The following ABCF1 variants were observed in gnomAD, a reference collection of about 807,000 sequenced individuals.
ABCF1 encodes the protein ATP-binding cassette sub-family F member 1.
In ABCF1, 73 loss-of-function variants were observed where a neutral mutation model predicts 126.3. The ratio of observed to expected loss-of-function variants is 0.58; its 90% CI spans 0.48 to 0.70. The LOEUF (loss-of-function observed/expected upper bound fraction) is 0.70, where lower values mean the gene tolerates loss of function less well. Among genes scored for constraint, ABCF1 ranks in the 30% least tolerant of loss-of-function variants. The probability of loss-of-function intolerance (pLI) is 0.00; values close to 1 mark genes in which losing one functional copy is unlikely to be tolerated. For missense variants in ABCF1, 786 were observed against 1,057.5 expected, an observed-to-expected ratio of 0.74 and a Z score of 3.56; for synonymous variants, 345 against 396.4, an observed-to-expected ratio of 0.87 and a Z score of 1.54.
intron 1 of ABCF1, among the ~76,000 whole-genome samples, chr6:30,576,728 C>T (rs1324977354): frequency 6.6e-6 from 1 of 152,182 alleles, no homozygotes; most frequent in East Asian, 1.9e-4. Flanking sequence ...TTGCTGTACT[C>T]TGAAGCCAGA....
rs1183920369 is a variant in ABCF1 at position 30,574,171 on chromosome 6, C to A, written c.73+2611C>A. 1.3e-5 allele frequency among the ~76,000 whole-genome samples: 2 copies of A among 150,990 alleles called. No homozygotes were observed. The highest frequency in any genetic ancestry group is 1.3e-4 in the Admixed American group (2 of 15,180). On this transcript the variant is annotated intron_variant, in intron 1 of 24. Coordinates refer to ENST00000326195, the MANE Select transcript of ABCF1 (RefSeq NM_001025091.2). The surrounding 1 kb of genome is among the most constrained non-coding windows in gnomAD (Gnocchi z 4.3). ...TGGGTTTTTTTTTTTTGTGACGGAG[C>A]CTCACTCCAGGCTGGAGTGCAGTGG...
intron 1 of ABCF1, among the ~76,000 whole-genome samples, 181 bp downstream of exon 1, chr6:30,571,741 G>T (rs1801258016): frequency 6.6e-6 from 1 of 152,110 alleles, no homozygotes; most frequent in Non-Finnish European, 1.5e-5. Flanking sequence ...CGGGGTTAAA[G>T]GAAAGAGATC....
At chr6:30,590,035 A>G in intron 22 of ABCF1, 61 bp downstream of exon 22, 1 of 1,605,910 alleles carries the variant, frequency 6.2e-7, no homozygotes, top group African/African-American at 1.3e-5. Context: ...TACAAACTGT[A>G]CCTAGAGGAA....
At chr6:30,575,778 GT>G (rs1801465048) in intron 1 of ABCF1, among the ~76,000 whole-genome samples, 1 of 151,972 alleles carries the variant, frequency 6.6e-6, no homozygotes, top group South Asian at 2.1e-4. Context: ...TACAAACAAC[GT>G]GTCCCCCTGG....
chr6:30,581,800 A>T (rs2127410585), intron 8 of ABCF1, among the ~76,000 whole-genome samples: 1 of 152,306 alleles, frequency 6.6e-6, no homozygotes, highest in South Asian at 2.1e-4. Context: ...ACCTTCAGTT[A>T]CATTGTATTG....
In ABCF1 at chr6:30,583,602, C is replaced by T; in HGVS notation, c.916-6C>T. ...CCCTCTGCCACCTCTTTCCTGATGG[C>T]TGCAGCTGGAGAAGTTCAGCATCTC... On this transcript the variant is annotated splice_polypyrimidine_tract_variant and splice_region_variant and intron_variant, in intron 10 of 24. Coordinates refer to ENST00000326195, the MANE Select transcript of ABCF1 (RefSeq NM_001025091.2). This position sits in a 1 kb window ranked among gnomAD's most constrained non-coding sequence, Gnocchi z 4.1. 1.2e-6 allele frequency: 2 copies of T among 1,613,908 alleles called. No individual in the cohort carries two copies. The highest frequency in any genetic ancestry group is 2.2e-5 in the South Asian group (2 of 91,086).
In ABCF1 at chr6:30,583,158, A is replaced by G. The variant is rs761099961; in HGVS notation, c.885A>G (p.Gln295=). Residue 295 remains glutamine, a synonymous_variant, in exon 10 of 25, where the codon CAA becomes CAG. Transcript: ENST00000326195. The surrounding 1 kb of genome is among the most constrained non-coding windows in gnomAD (Gnocchi z 4.1). ...CCCAGGCGGAGATGTCCTCCCGCCAAGCCATGTTAGAAAATGCATCTGACA... is the reference window on the plus strand; with the variant it reads ...CCCAGGCGGAGATGTCCTCCCGCCAGGCCATGTTAGAAAATGCATCTGACA... ...SVSQAEMSSR[Q]AMLENASDIK... 6.2e-7 allele frequency: 1 copy of G among 1,610,626 alleles called. No individual in the cohort carries two copies. Among genetic ancestry groups the G allele is most frequent in the African/African-American group, 1.3e-5 (1 of 75,032 alleles).
intron 1 of ABCF1, among the ~76,000 whole-genome samples, chr6:30,575,271 T>C (rs1056525696): frequency 6.6e-6 from 1 of 152,062 alleles, no homozygotes; most frequent in Non-Finnish European, 1.5e-5. Flanking sequence ...GGTTTCACCA[T>C]GTTGGCCAAG....
chr6:30,583,667 C>A lies in ABCF1; in HGVS notation c.975C>A (p.Tyr325Ter). The A allele has an allele frequency of 6.2e-7, 1 of 1,613,978 alleles. No homozygotes were observed. The highest frequency in any genetic ancestry group is 8.5e-7 in the Non-Finnish European group (1 of 1,179,906). ...GKELFVNADL[Y>*]IVAGRRYGLV... Reference sequence around the variant, plus strand: ...AGCTGTTCGTCAATGCAGACCTGTACATTGTAGCCGGCCGCCGCTACGGGC... The same window carrying A: ...AGCTGTTCGTCAATGCAGACCTGTAAATTGTAGCCGGCCGCCGCTACGGGC... Residue 325 changes from tyrosine to a stop codon, truncating the protein, a stop_gained, in exon 11 of 25, where the codon TAC (tyrosine) becomes TAA (stop). Coordinates refer to ENST00000326195, the MANE Select transcript of ABCF1 (RefSeq NM_001025091.2). LOFTEE classifies it high-confidence loss of function. This position sits in a 1 kb window ranked among gnomAD's most constrained non-coding sequence, Gnocchi z 4.1.
At chr6:30,582,542 G>A (rs768339154) in intron 9 of ABCF1, 35 bp downstream of exon 9, 65 of 1,607,498 alleles carry the variant, frequency 4.0e-5, no homozygotes, top group Non-Finnish European at 5.3e-5. Context: ...AAAAGTAGGG[G>A]ATTTTTAAAT....
chr6:30,580,025 G>A lies in ABCF1; in HGVS notation c.564+20G>A, dbSNP rs1352008551. 1 of 1,610,896 alleles carries A rather than the reference G, an allele frequency of 6.2e-7. No homozygotes were observed. Among genetic ancestry groups the A allele is most frequent in the Non-Finnish European group, 8.5e-7 (1 of 1,178,574 alleles). ...GCTAAGGTGAGAGAGTAACTAGCAGGAGGAGGTATTGGGGCCCAGGAATTA... is the reference window on the plus strand; with the variant it reads ...GCTAAGGTGAGAGAGTAACTAGCAGAAGGAGGTATTGGGGCCCAGGAATTA... On this transcript the variant is annotated intron_variant, in intron 7 of 24. Coordinates refer to ENST00000326195, the MANE Select transcript of ABCF1 (RefSeq NM_001025091.2).
Position 30,577,468 on chromosome 6 carries a change from G to C in ABCF1, c.120+13G>C, listed in dbSNP as rs1017373488. ...GATCAAAAAAACGGTGAGAAAATGA[G>C]GGTTGAGGATAAGAAATGACTATGG... On this transcript the variant is annotated intron_variant, in intron 2 of 24. Coordinates refer to ENST00000326195, the MANE Select transcript of ABCF1 (RefSeq NM_001025091.2). The C allele has an allele frequency of 6.2e-7, 1 of 1,612,668 alleles. No individual in the cohort carries two copies. The highest frequency in any genetic ancestry group is 1.7e-5 in the Admixed American group (1 of 59,884).
rs751157463 is a variant in ABCF1 at position 30,583,753 on chromosome 6, AAAG to A, written c.1017-47_1017-45del. 28 of 1,613,724 alleles carry A rather than the reference AAAG, an allele frequency of 1.7e-5. No individual in the cohort carries two copies. The Admixed American group carries it at 1.8e-4, about 11-fold the overall frequency. ...GGAGGCAAAAAAGGGCCTGGAGGGA[AAAG>A]AAGAGATTTCTCAGTGGTGGCCAGG... On this transcript the variant is annotated intron_variant, in intron 11 of 24. Coordinates refer to ENST00000326195, the MANE Select transcript of ABCF1 (RefSeq NM_001025091.2). The surrounding 1 kb of genome is among the most constrained non-coding windows in gnomAD (Gnocchi z 4.1).
In ABCF1 at chr6:30,583,564, G is replaced by A; in HGVS notation, c.916-44G>A. On this transcript the variant is annotated intron_variant, in intron 10 of 24. Transcript: ENST00000326195. The surrounding 1 kb of genome is among the most constrained non-coding windows in gnomAD (Gnocchi z 4.1). ...CCTGTCCCAAAGGGAGAATTTTCAT[G>A]TGATCATCCCTTCCCTCTGCCACCT... 1 of 1,596,740 alleles carries A rather than the reference G, an allele frequency of 6.3e-7. No homozygotes were observed. Among genetic ancestry groups the A allele is most frequent in the East Asian group, 2.2e-5 (1 of 44,754 alleles).
At chr6:30,576,198 C>T (rs1801488823) in intron 1 of ABCF1, among the ~76,000 whole-genome samples, 1 of 150,414 alleles carries the variant, frequency 6.6e-6, no homozygotes, top group South Asian at 2.1e-4. Context: ...TCTTCCACTG[C>T]CTCCTTAATT....
chr6:30,583,319 CT>C lies in ABCF1; in HGVS notation c.915+133del. The C allele has an allele frequency of 7.6e-7, 1 of 1,313,662 alleles. No individual in the cohort carries two copies. Among genetic ancestry groups the C allele is most frequent in the Non-Finnish European group, 1.0e-6 (1 of 961,310 alleles). 81.4% of individuals were successfully genotyped at this position (1,313,662 alleles called of 1,614,324 possible). On this transcript the variant is annotated intron_variant, in intron 10 of 24. Coordinates refer to ENST00000326195, the MANE Select transcript of ABCF1 (RefSeq NM_001025091.2). This position sits in a 1 kb window ranked among gnomAD's most constrained non-coding sequence, Gnocchi z 4.1. ...GAAAGATTGGAGGCATTTTCCACAC[CT>C]TAGGTTCTGCCAACTTGAGCAAGAA...
intron 16 of ABCF1, 58 bp downstream of exon 16, chr6:30,585,740 G>A (rs1263440552): frequency 1.9e-6 from 3 of 1,601,738 alleles, no homozygotes; most frequent in Admixed American, 1.7e-5. Context: ...AGAGGCCTGA[G>A]TGGGAGGGCC....
At chr6:30,587,628 T>C in intron 20 of ABCF1, among the ~76,000 whole-genome samples, 1 of 146,682 alleles carries the variant, frequency 6.8e-6, no homozygotes, top group South Asian at 2.2e-4. Flanking sequence ...AGAGCAAAAC[T>C]CCGTCTAAAA....
rs1375217204 is a variant in ABCF1, at chr6:30,583,735, A to G, written c.1016+27A>G. 8 of 1,613,734 alleles carry G rather than the reference A, an allele frequency of 5.0e-6. No individual in the cohort carries two copies. In the African/African-American group the frequency reaches 6.7e-5, roughly 13 times the overall value. ...TGAGAAGAGGAGGGAGCTGGAGGCA[A>G]AAAAGGGCCTGGAGGGAAAAGAAGA... On this transcript the variant is annotated intron_variant, in intron 11 of 24. Coordinates refer to ENST00000326195, the MANE Select transcript of ABCF1 (RefSeq NM_001025091.2). This position sits in a 1 kb window ranked among gnomAD's most constrained non-coding sequence, Gnocchi z 4.1.
Sources: allele counts gnomAD v4.1 joint callset (sites outside exome capture counted in the v4.1 genomes callset), GRCh38; gene constraint gnomAD v4.1.1; non-coding constraint Gnocchi (gnomAD v3.1); transcripts MANE v1.5; gene names NCBI Gene and HGNC (gene_info 2026-07-23, HGNC 2026-07-21).